SNTG1: variants seen among roughly 807,000 people sequenced by gnomAD.
SNTG1 encodes the protein gamma-1-syntrophin.
In SNTG1, 39 loss-of-function variants were observed where a neutral mutation model predicts 74.7. The ratio of observed to expected loss-of-function variants is 0.52; its 90% CI spans 0.40 to 0.68. The LOEUF (loss-of-function observed/expected upper bound fraction) is 0.68, where lower values mean the gene tolerates loss of function less well. Among genes scored for constraint, SNTG1 ranks in the 30% least tolerant of loss-of-function variants. The pLI, the probability that SNTG1 is intolerant of heterozygous loss-of-function variation, is 0.00. For missense variants in SNTG1, 685 were observed against 609.5 expected, an observed-to-expected ratio of 1.12 and a Z score of -1.30; for synonymous variants, 254 against 217.1, an observed-to-expected ratio of 1.17 and a Z score of -1.49.
chr8:50,428,307 C>T (rs1261062748), intron 4 of SNTG1, among the ~76,000 whole-genome samples: 1 of 152,056 alleles, frequency 6.6e-6, no homozygotes. Context: ...AAGACTGTGT[C>T]TCTTAAAAGA....
intron 5 of SNTG1, among the ~76,000 whole-genome samples, chr8:50,440,573 T>C (rs2093349197): frequency 6.6e-6 from 1 of 152,210 alleles, no homozygotes; most frequent in Non-Finnish European, 1.5e-5. Context: ...GAAGCAGAAT[T>C]AGTATTTTAA....
chr8:50,285,954 C>T (rs1841358), intron 2 of SNTG1, among the ~76,000 whole-genome samples: 79,352 of 151,826 alleles, frequency 0.52, 23,730 homozygotes, highest in East Asian at 0.83. Context: ...TACTTTATTT[C>T]TTTTTCTATT....
chr8:50,139,272 C>T lies in SNTG1; in HGVS notation c.-102-33289C>T, dbSNP rs1227615294. On this transcript the variant is annotated intron_variant, in intron 1 of 18. Transcript: ENST00000642720. ...AGCAAAATATTGTACTGAATGTACA[C>T]ATCACAATTTATGTAACCAATCATT... Among the ~76,000 whole-genome samples, 3 of 152,174 alleles carry T rather than the reference C, an allele frequency of 2.0e-5. No homozygotes were observed. In the East Asian group the frequency reaches 5.8e-4, roughly 29 times the overall value.
intron 1 of SNTG1, among the ~76,000 whole-genome samples, chr8:49,919,278 G>A (rs562428380): frequency 6.6e-6 from 1 of 152,252 alleles, no homozygotes; most frequent in Admixed American, 6.5e-5. Flanking sequence ...GCTGGATCTT[G>A]AAGTAGGATG....
At chr8:50,739,095 G>C (rs891358957) in intron 17 of SNTG1, among the ~76,000 whole-genome samples, 1 of 152,076 alleles carries the variant, frequency 6.6e-6, no homozygotes, top group African/African-American at 2.4e-5. Context: ...CTTCTGCACA[G>C]CGAAAGAGAC....
intron 2 of SNTG1, among the ~76,000 whole-genome samples, chr8:50,379,005 C>T (rs1198612775): frequency 2.6e-5 from 4 of 152,136 alleles, no homozygotes; most frequent in Admixed American, 2.6e-4. Context: ...GTCTTGCCCC[C>T]TTTCACCCAG....
chr8:49,926,974 A>T (rs1287454201), intron 1 of SNTG1, among the ~76,000 whole-genome samples: 1 of 152,212 alleles, frequency 6.6e-6, no homozygotes, highest in Admixed American at 6.5e-5. Context: ...CAGGTGGCAA[A>T]TAAGCATATG....
intron 18 of SNTG1, among the ~76,000 whole-genome samples, chr8:50,772,554 C>T (rs974794081): frequency 6.6e-6 from 1 of 152,048 alleles, no homozygotes; most frequent in African/African-American, 2.4e-5. Context: ...TTTGGGCTTT[C>T]AAGGTGATGC....
intron 2 of SNTG1, among the ~76,000 whole-genome samples, chr8:50,239,806 A>G (rs529843760): frequency 6.6e-6 from 1 of 152,204 alleles, no homozygotes; most frequent in Admixed American, 6.5e-5. Context: ...CTATTGTTTC[A>G]TTTATTTCAG....
intron 11 of SNTG1, among the ~76,000 whole-genome samples, chr8:50,542,590 TCTTTAAAATGTATA>T (rs1386179632): frequency 1.3e-5 from 2 of 152,212 alleles, no homozygotes; most frequent in African/African-American, 4.8e-5. Context: ...TGATTTCCTT[TCTTTAAAATGTATA>T]CCCACTAATG....
rs181356530 is a variant in SNTG1, at chr8:50,361,331, G to A, written c.-27-32881G>A. The stretch of plus-strand genomic sequence containing the variant: ...ATGATGCCTTCTTCTGAATACCTCT[G>A]GAAGGATGTGCCTGAAGCTCTTCTT... On this transcript the variant is annotated intron_variant, in intron 2 of 18. Coordinates refer to ENST00000642720, the MANE Select transcript of SNTG1 (RefSeq NM_018967.5). 3.9e-5 allele frequency among the ~76,000 whole-genome samples: 6 copies of A among 152,184 alleles called. No individual in the cohort carries two copies. The East Asian group carries it at 5.8e-4, about 15-fold the overall frequency.
At chr8:50,215,759 A>G (rs2084760344) in intron 2 of SNTG1, among the ~76,000 whole-genome samples, 1 of 152,048 alleles carries the variant, frequency 6.6e-6, no homozygotes, top group Non-Finnish European at 1.5e-5. Context: ...TCACTTTCAA[A>G]CTTTCTAGAA....
At chr8:50,747,424 A>G (rs117811510) in intron 17 of SNTG1, among the ~76,000 whole-genome samples, 195 of 120,094 alleles carry the variant, frequency 1.6e-3, no homozygotes, top group Non-Finnish European at 2.7e-3. Flanking sequence ...TAGCTTAAGT[A>G]CTACAAGTTT....
rs1180714505 is a variant in SNTG1, at chr8:50,167,289, GAAAA to G, written c.-102-5265_-102-5262del. 3.9e-4 allele frequency among the ~76,000 whole-genome samples: 35 copies of G among 89,018 alleles called. 1 individual carries two copies. Among genetic ancestry groups the G allele is most frequent in the African/African-American group, 1.4e-3 (35 of 24,860 alleles). 58.4% of individuals were successfully genotyped at this position (89,018 alleles called of 152,430 possible). ...AAGTATAATAATAATAATAAAAAAA[GAAAA>G]AAAAAAGATTAAAAATAAAAAAAAT... On this transcript the variant is annotated intron_variant, in intron 1 of 18. Transcript: ENST00000642720.
chr8:50,585,608 T>G (rs1251607114), intron 12 of SNTG1, among the ~76,000 whole-genome samples: 1 of 152,196 alleles, frequency 6.6e-6, no homozygotes, highest in African/African-American at 2.4e-5. Context: ...ATTTTCATTA[T>G]TTGGAAATAG....
At chr8:50,022,043 C>T (rs1333192673) in intron 1 of SNTG1, among the ~76,000 whole-genome samples, 1 of 151,898 alleles carries the variant, frequency 6.6e-6, no homozygotes, top group African/African-American at 2.4e-5. Context: ...TAAATAGCAA[C>T]ACAGTAATTC....
chr8:50,070,304 T>C (rs1471139070), intron 1 of SNTG1, among the ~76,000 whole-genome samples: 2 of 152,208 alleles, frequency 1.3e-5, no homozygotes, highest in South Asian at 2.1e-4. Flanking sequence ...TTGTTCATTA[T>C]TGTGGCTCCC....
rs541700557 is a variant in SNTG1, at chr8:50,020,972, G to T, written c.-103+108741G>T. On this transcript the variant is annotated intron_variant, in intron 1 of 18. Transcript: ENST00000642720. ...GAGTTTCTCAAATTGCAATCTACAG[G>T]CCTGCTACCTCAGAATCCTTTTAGC... 1.2e-3 allele frequency among the ~76,000 whole-genome samples: 180 copies of T among 152,174 alleles called. 2 individuals carry two copies. The highest frequency in any genetic ancestry group is 1.1e-3 in the Non-Finnish European group (77 of 67,982).
chr8:50,361,669 T>G (rs186026434), intron 2 of SNTG1, among the ~76,000 whole-genome samples: 292 of 152,206 alleles, frequency 1.9e-3, no homozygotes, highest in Middle Eastern at 0.014. Context: ...GAATTTTTTT[T>G]GGGGGAGGTC....
Sources: allele counts gnomAD v4.1 joint callset (sites outside exome capture counted in the v4.1 genomes callset), GRCh38; gene constraint gnomAD v4.1.1; transcripts MANE v1.5; gene names NCBI Gene and HGNC (gene_info 2026-07-23, HGNC 2026-07-21).